The following ZNF804B variants were observed in gnomAD, a reference collection of about 807,000 sequenced individuals.
The protein encoded by ZNF804B is zinc finger protein 804B.
ZNF804B carries 80 observed loss-of-function variants against 101.4 expected under a neutral mutation model. The observed-to-expected ratio is 0.79, with a 90% confidence interval of 0.66 to 0.95. The LOEUF is 0.95. Among genes scored for constraint, ZNF804B ranks in the 40% least tolerant of loss-of-function variants. ZNF804B has a pLI of 0.00. For missense variants in ZNF804B, 1,673 were observed against 1,561.9 expected (o/e 1.07, Z -1.20); for synonymous variants, 622 against 558.8 (o/e 1.11, Z -1.59).
At chr7:89,262,327 TG>T in intron 2 of ZNF804B, among the ~76,000 whole-genome samples, 1 of 152,196 alleles carries the variant, frequency 6.6e-6, no homozygotes, top group East Asian at 1.9e-4. Flanking sequence ...CTCTGGCCCA[TG>T]CTCATTATTT....
intron 1 of ZNF804B, among the ~76,000 whole-genome samples, chr7:88,862,509 A>G (rs1053545466): frequency 3.3e-5 from 5 of 152,214 alleles, no homozygotes; most frequent in African/African-American, 4.8e-5. Context: ...AGCTAATACT[A>G]TAGATACAAC....
intron 2 of ZNF804B, among the ~76,000 whole-genome samples, chr7:89,218,725 A>G (rs1005407856): frequency 6.6e-6 from 1 of 152,148 alleles, no homozygotes; most frequent in African/African-American, 2.4e-5. Context: ...TGCATGTTTT[A>G]TATATGTTAC....
intron 2 of ZNF804B, among the ~76,000 whole-genome samples, chr7:89,308,677 G>T (rs1251269365): frequency 6.6e-6 from 1 of 152,102 alleles, no homozygotes; most frequent in Non-Finnish European, 1.5e-5. Context: ...CCCTCATCCT[G>T]AACTAACAAG....
chr7:89,298,453 A>T (rs187568174), intron 2 of ZNF804B, among the ~76,000 whole-genome samples: 106 of 150,162 alleles, frequency 7.1e-4, no homozygotes, highest in African/African-American at 2.2e-3. Flanking sequence ...CAGCACTACT[A>T]TTAATATACA....
chr7:88,864,361 C>G (rs1445582366), intron 1 of ZNF804B, among the ~76,000 whole-genome samples: 2 of 152,176 alleles, frequency 1.3e-5, no homozygotes, highest in East Asian at 1.9e-4. Flanking sequence ...TCTTGGAAAA[C>G]AGAACCTGAG....
chr7:89,336,617 C>T lies in ZNF804B; in HGVS notation c.3635C>T (p.Thr1212Met), dbSNP rs771781536. The T allele has an allele frequency of 9.3e-6, 15 of 1,613,978 alleles. No individual in the cohort carries two copies. In the African/African-American group the frequency reaches 1.3e-4, roughly 14 times the overall value. The change falls in exon 4 of 4, where the codon ACG (threonine) becomes ATG (methionine). Residue 1212 changes from threonine to methionine, a missense_variant. By Grantham distance (81) the Thr-to-Met change is moderately conservative (BLOSUM62 -1). Transcript: ENST00000333190. ...ACTTCTATCACCACCATCCACCACA[C>T]GTTCCTGCAGCATTTTGCTGTTTCT... ...QHTSITTIHH[T>M]FLQHFAVSAS...
At chr7:89,119,777 T>G (rs1442264023) in intron 1 of ZNF804B, among the ~76,000 whole-genome samples, 1 of 152,318 alleles carries the variant, frequency 6.6e-6, no homozygotes, top group East Asian at 1.9e-4. Flanking sequence ...CTAGCCTTGT[T>G]TGATAATCCT....
At chr7:88,830,505 T>C (rs1045279383) in intron 1 of ZNF804B, among the ~76,000 whole-genome samples, 1 of 152,048 alleles carries the variant, frequency 6.6e-6, no homozygotes, top group Non-Finnish European at 1.5e-5. Flanking sequence ...CTTTTTATAC[T>C]CAAAATGTTA....
intron 1 of ZNF804B, among the ~76,000 whole-genome samples, chr7:89,154,083 G>A (rs1213064862): frequency 6.6e-6 from 1 of 152,044 alleles, no homozygotes; most frequent in African/African-American, 2.4e-5. Context: ...GTTTTAAATG[G>A]ATATTTCTCA....
intron 1 of ZNF804B, among the ~76,000 whole-genome samples, chr7:88,907,765 A>T (rs970322093): frequency 6.6e-6 from 1 of 151,984 alleles, no homozygotes. Context: ...TTTGAATTTT[A>T]ACTTCCAATT....
intron 1 of ZNF804B, among the ~76,000 whole-genome samples, chr7:89,215,883 C>CTAAATAAATAAA (rs71102024): frequency 5.2e-4 from 75 of 143,156 alleles, no homozygotes; most frequent in Non-Finnish European, 7.1e-4. Flanking sequence ...GACTCCGTCT[C>CTAAATAAATAAA]TAAATAAATA....
Position 89,337,105 on chromosome 7 carries a change from T to C in ZNF804B, c.*73T>C. 5 of 1,399,452 alleles carry C rather than the reference T, an allele frequency of 3.6e-6. No individual in the cohort carries two copies. The highest frequency in any genetic ancestry group is 4.8e-6 in the Non-Finnish European group (5 of 1,040,146). 86.7% of individuals were successfully genotyped at this position (1,399,452 alleles called of 1,614,324 possible). On this transcript the variant is annotated 3_prime_UTR_variant, in exon 4 of 4. Coordinates refer to ENST00000333190, the MANE Select transcript of ZNF804B (RefSeq NM_181646.5). ...CTATAAAATCATACATTTAAAGAAG[T>C]CTGTCAATTATAAGATTTAAAATAT... is the stretch of plus-strand genomic sequence containing the variant.
chr7:88,881,070 G>A (rs1382953272), intron 1 of ZNF804B, among the ~76,000 whole-genome samples: 1 of 151,900 alleles, frequency 6.6e-6, no homozygotes, highest in African/African-American at 2.4e-5. Flanking sequence ...GTGTTTTAAA[G>A]ATAAAATGAA....
chr7:89,032,047 T>C (rs1171340149), intron 1 of ZNF804B, among the ~76,000 whole-genome samples: 1 of 152,114 alleles, frequency 6.6e-6, no homozygotes, highest in Non-Finnish European at 1.5e-5. Flanking sequence ...AAGCTTTCCT[T>C]TTTGGAGAAT....
chr7:89,325,668 T>G (rs1462189061), intron 2 of ZNF804B, among the ~76,000 whole-genome samples: 1 of 152,002 alleles, frequency 6.6e-6, no homozygotes, highest in East Asian at 1.9e-4. Flanking sequence ...ATGAGTCAAG[T>G]GTCAATTGTT....
At chr7:89,077,191 C>T (rs1359869542) in intron 1 of ZNF804B, among the ~76,000 whole-genome samples, 1 of 151,978 alleles carries the variant, frequency 6.6e-6, no homozygotes, top group Non-Finnish European at 1.5e-5. Context: ...ACAGGAAAAG[C>T]AGGTTCTTGG....
At chr7:89,310,506 C>G (rs1790635823) in intron 2 of ZNF804B, among the ~76,000 whole-genome samples, 1 of 151,842 alleles carries the variant, frequency 6.6e-6, no homozygotes, top group African/African-American at 2.4e-5. Context: ...GTTATTTTTT[C>G]AAAGAGAGTT....
At chr7:88,975,928 A>T (rs1369569643) in intron 1 of ZNF804B, among the ~76,000 whole-genome samples, 1 of 151,624 alleles carries the variant, frequency 6.6e-6, no homozygotes, top group African/African-American at 2.4e-5. Context: ...TTAGGTTTTT[A>T]ACCCATTTTG....
At chr7:89,195,977 C>A (rs942662625) in intron 1 of ZNF804B, among the ~76,000 whole-genome samples, 1 of 152,024 alleles carries the variant, frequency 6.6e-6, no homozygotes, top group Non-Finnish European at 1.5e-5. Context: ...GGCCATACTG[C>A]CCAAAGTAAT....
Sources: allele counts gnomAD v4.1 joint callset (sites outside exome capture counted in the v4.1 genomes callset), GRCh38; gene constraint gnomAD v4.1.1; transcripts MANE v1.5; gene names NCBI Gene and HGNC (gene_info 2026-07-23, HGNC 2026-07-21).